COLEC10: variants seen among roughly 807,000 people sequenced by gnomAD.
COLEC10 encodes collectin subfamily member 10.
COLEC10 carries 22 observed loss-of-function variants against 28.4 expected under a neutral mutation model. That is an observed-to-expected ratio of 0.78 (90% CI 0.55 to 1.11). The LOEUF is 1.11. COLEC10 is among the 50% of genes least tolerant of loss of function. The pLI, the probability that COLEC10 is intolerant of heterozygous loss-of-function variation, is 0.00. For synonymous variants in COLEC10, 125 were observed against 116.1 expected, an observed-to-expected ratio of 1.08 and a Z score of -0.49; for missense variants, 361 against 344.1, an observed-to-expected ratio of 1.05 and a Z score of -0.39.
At chr8:119,029,787 AC>A (rs1472155131) in intron 2 of COLEC10, among the ~76,000 whole-genome samples, 3 of 152,206 alleles carry the variant, frequency 2.0e-5, no homozygotes, top group African/African-American at 7.2e-5. Flanking sequence ...TAAGTATAAG[AC>A]AAATGGTGTT....
At chr8:118,956,241 T>A in the COLEC10 span, among the ~76,000 whole-genome samples, 1 of 152,148 alleles carries the variant, frequency 6.6e-6, no homozygotes, top group Non-Finnish European at 1.5e-5. Flanking sequence ...TAGCATCACC[T>A]TGAGGGTTAG....
At chr8:119,025,401 G>T (rs1053160810) in intron 2 of COLEC10, among the ~76,000 whole-genome samples, 1 of 152,168 alleles carries the variant, frequency 6.6e-6, no homozygotes, top group Non-Finnish European at 1.5e-5. Context: ...TTCAGAAATG[G>T]ATTCTGTGCT....
At chr8:119,099,540 C>T (rs1245331299) in intron 3 of COLEC10, among the ~76,000 whole-genome samples, 1 of 151,986 alleles carries the variant, frequency 6.6e-6, no homozygotes, top group East Asian at 1.9e-4. Flanking sequence ...GTGGCAAAGC[C>T]AGGATTCAAA....
chr8:119,036,839 C>T (rs1005516431), intron 2 of COLEC10, among the ~76,000 whole-genome samples: 15 of 152,150 alleles, frequency 9.9e-5, no homozygotes, highest in Non-Finnish European at 4.4e-5. Context: ...CTGTTACCAC[C>T]TCAAGCTATA....
intron 4 of COLEC10, among the ~76,000 whole-genome samples, chr8:119,103,462 T>A (rs371248774): frequency 1.7e-4 from 26 of 152,244 alleles, no homozygotes; most frequent in East Asian, 7.7e-4. Flanking sequence ...AAAATTTTAT[T>A]CTGAGATTGG....
intron 2 of COLEC10, among the ~76,000 whole-genome samples, chr8:119,028,876 G>T (rs1244403158): frequency 6.6e-6 from 1 of 152,136 alleles, no homozygotes; most frequent in African/African-American, 2.4e-5. Context: ...AATGGTATTT[G>T]TTCATTTATT....
exon 2 of COLEC10, chr8:119,009,526 CT>C: frequency 6.6e-6 from 1 of 151,054 alleles, no homozygotes. Context: ...CAGTGCCATG[CT>C]TTTTGGACTT....
the COLEC10 span, among the ~76,000 whole-genome samples, chr8:118,977,554 A>G: frequency 1.4e-5 from 2 of 141,056 alleles, no homozygotes; most frequent in African/African-American, 5.4e-5. Context: ...GAACAATGAG[A>G]ACACATGGAC....
At chr8:119,046,490 C>A (rs1293424920) in intron 2 of COLEC10, among the ~76,000 whole-genome samples, 1 of 152,120 alleles carries the variant, frequency 6.6e-6, no homozygotes, top group Admixed American at 6.6e-5. Flanking sequence ...CATAAATGTA[C>A]AGTAAATTGA....
At chr8:118,959,114 A>C in the COLEC10 span, among the ~76,000 whole-genome samples, 1 of 152,220 alleles carries the variant, frequency 6.6e-6, no homozygotes, top group Non-Finnish European at 1.5e-5. Context: ...AGTGGTTGTT[A>C]GATGTGGGGA....
the COLEC10 span, among the ~76,000 whole-genome samples, chr8:118,988,997 TC>T: frequency 6.6e-6 from 1 of 152,072 alleles, no homozygotes; most frequent in African/African-American, 2.4e-5. Context: ...ACAAAAACAT[TC>T]TGAAGGGACA....
intron 3 of COLEC10, among the ~76,000 whole-genome samples, chr8:119,098,249 A>G (rs969707202): frequency 1.3e-5 from 2 of 152,066 alleles, no homozygotes; most frequent in Non-Finnish European, 1.5e-5. Context: ...AAATAAGACT[A>G]TGTAAGGTGG....
intron 3 of COLEC10, among the ~76,000 whole-genome samples, chr8:119,094,115 C>A (rs1347716285): frequency 1.3e-5 from 2 of 152,056 alleles, no homozygotes; most frequent in East Asian, 3.9e-4. Context: ...TAGCTCTATC[C>A]AAAGCCAGGA....
At chr8:118,980,620 T>G in the COLEC10 span, among the ~76,000 whole-genome samples, 4 of 152,122 alleles carry the variant, frequency 2.6e-5, no homozygotes, top group Admixed American at 2.0e-4. Context: ...AAATAAAATT[T>G]TGCTTCTACT....
intron 1 of COLEC10, among the ~76,000 whole-genome samples, chr8:119,070,408 T>C (rs1815078781): frequency 1.3e-5 from 2 of 152,030 alleles, no homozygotes; most frequent in South Asian, 4.2e-4. Flanking sequence ...AAACTTATCA[T>C]TTATGTTACC....
upstream of COLEC10, among the ~76,000 whole-genome samples, chr8:119,064,802 T>TC (rs1200345007): frequency 2.0e-5 from 3 of 152,124 alleles, no homozygotes; most frequent in Non-Finnish European, 4.4e-5. Context: ...GTATTTGATT[T>TC]TTTTTTTTTG....
intron 1 of COLEC10, among the ~76,000 whole-genome samples, chr8:119,073,504 T>C (rs538068161): frequency 3.9e-5 from 6 of 152,290 alleles, no homozygotes; most frequent in Admixed American, 3.3e-4. Context: ...ATTCTTTCAT[T>C]ATGTGTTTTA....
At chr8:118,962,459 G>T in the COLEC10 span, among the ~76,000 whole-genome samples, 1 of 152,136 alleles carries the variant, frequency 6.6e-6, no homozygotes, top group East Asian at 1.9e-4. Context: ...AGGTATAATT[G>T]ATATTCAATG....
chr8:119,097,789 C>T lies in COLEC10; in HGVS notation c.293-4559C>T, dbSNP rs746977881. Among the ~76,000 whole-genome samples, 65 of 151,952 alleles carry T rather than the reference C, an allele frequency of 4.3e-4. 1 individual carries two copies. The highest frequency in any genetic ancestry group is 6.2e-4 in the South Asian group (3 of 4,824). On this transcript the variant is annotated intron_variant, in intron 3 of 5. Transcript: ENST00000332843. The stretch of plus-strand genomic sequence containing the variant: ...TGTGATTAAGATCTCATGTATTGCT[C>T]GTATTGCTCTGCAGAGGTAGCAGAA...
Sources: allele counts gnomAD v4.1 joint callset (sites outside exome capture counted in the v4.1 genomes callset), GRCh38; gene constraint gnomAD v4.1.1; transcripts MANE v1.5; gene names NCBI Gene and HGNC (gene_info 2026-07-23, HGNC 2026-07-21).